The following FMN2 variants were observed in gnomAD, a reference collection of about 807,000 sequenced individuals.
FMN2 encodes the protein formin 2, also known as formin-2.
Under a neutral mutation model 142.3 loss-of-function variants are expected in FMN2, and 51 were observed. The observed-to-expected ratio is 0.36, with a 90% CI of 0.29 to 0.45. The LOEUF is 0.45. Ranked by LOEUF, FMN2 falls within the 20% of genes least tolerant of loss-of-function variation. FMN2 has a pLI of 1.00. For missense variants in FMN2, 1,936 were observed against 2,122.8 expected, an observed-to-expected ratio of 0.91 and a Z score of 1.73; for synonymous variants, 882 against 869.8, an observed-to-expected ratio of 1.01 and a Z score of -0.25.
At chr1:240,239,350 A>T (rs1488842343) in intron 6 of FMN2, among the ~76,000 whole-genome samples, 1 of 152,190 alleles carries the variant, frequency 6.6e-6, no homozygotes, top group Non-Finnish European at 1.5e-5. Flanking sequence ...TAAATATATG[A>T]TCTCTGAAAA....
chr1:240,269,386 C>T (rs570949201), intron 7 of FMN2, among the ~76,000 whole-genome samples: 1 of 152,162 alleles, frequency 6.6e-6, no homozygotes, highest in South Asian at 2.1e-4. Context: ...ACACTCCATT[C>T]TATTCCACTG....
intron 15 of FMN2, among the ~76,000 whole-genome samples, chr1:240,403,533 T>A (rs959200521): frequency 6.6e-6 from 1 of 152,010 alleles, no homozygotes; most frequent in Non-Finnish European, 1.5e-5. Context: ...ACTCGAGAGG[T>A]TGAGGCAAGA....
At chr1:240,298,926 T>C (rs1457654497) in intron 8 of FMN2, among the ~76,000 whole-genome samples, 1 of 152,152 alleles carries the variant, frequency 6.6e-6, no homozygotes, top group Non-Finnish European at 1.5e-5. Context: ...TCTTATCTTC[T>C]CACTTAACTA....
At chr1:240,386,676 G>A (rs1482852323) in intron 14 of FMN2, among the ~76,000 whole-genome samples, 1 of 152,194 alleles carries the variant, frequency 6.6e-6, no homozygotes, top group Non-Finnish European at 1.5e-5. Context: ...AGTATTTGTG[G>A]AGGTAGAAAT....
At chr1:240,446,851 C>T (rs1433985060) in intron 16 of FMN2, among the ~76,000 whole-genome samples, 1 of 152,146 alleles carries the variant, frequency 6.6e-6, no homozygotes, top group African/African-American at 2.4e-5. Flanking sequence ...CACCTTTGGG[C>T]AAAGGAATTT....
At chr1:240,434,469 C>T (rs1355116237) in intron 15 of FMN2, among the ~76,000 whole-genome samples, 1 of 152,128 alleles carries the variant, frequency 6.6e-6, no homozygotes, top group African/African-American at 2.4e-5. Context: ...CCAAAAATGC[C>T]TCTGGCATAA....
At chr1:240,359,616 G>A (rs1461278716) in intron 14 of FMN2, among the ~76,000 whole-genome samples, 14 of 152,146 alleles carry the variant, frequency 9.2e-5, no homozygotes, top group African/African-American at 1.2e-4. Flanking sequence ...CTGAAGCCAA[G>A]ATTTCATGGT....
chr1:240,432,707 A>T (rs1675217066), intron 15 of FMN2, among the ~76,000 whole-genome samples: 1 of 151,818 alleles, frequency 6.6e-6, no homozygotes, highest in Non-Finnish European at 1.5e-5. Context: ...TTAGTTTGGA[A>T]TGTTTTTTCA....
At chr1:240,159,471 T>C (rs889754822) in intron 2 of FMN2, among the ~76,000 whole-genome samples, 1 of 152,128 alleles carries the variant, frequency 6.6e-6, no homozygotes, top group East Asian at 1.9e-4. Context: ...TCTCTCTCTT[T>C]TGGTTATGGA....
chr1:240,423,686 G>A (rs1674846131), intron 15 of FMN2, among the ~76,000 whole-genome samples: 1 of 152,088 alleles, frequency 6.6e-6, no homozygotes, highest in Admixed American at 6.5e-5. Context: ...AGACCCCCAG[G>A]GTGTATTTAG....
chr1:240,311,519 C>T (rs1670605077), intron 8 of FMN2, among the ~76,000 whole-genome samples: 1 of 151,910 alleles, frequency 6.6e-6, no homozygotes, highest in Admixed American at 6.6e-5. Flanking sequence ...CAACCATAAA[C>T]GTGCTTAAGG....
chr1:240,104,009 T>C (rs1661509680), intron 1 of FMN2, among the ~76,000 whole-genome samples: 1 of 151,750 alleles, frequency 6.6e-6, no homozygotes, highest in Non-Finnish European at 1.5e-5. Flanking sequence ...CCCGAGTAGC[T>C]GGGACTACAG....
chr1:240,301,696 T>C (rs886997085), intron 8 of FMN2, among the ~76,000 whole-genome samples: 1 of 152,010 alleles, frequency 6.6e-6, no homozygotes, highest in Non-Finnish European at 1.5e-5. Flanking sequence ...CCCAATTACC[T>C]CCGATCTACC....
At chr1:240,137,287 T>A (rs796482060) in intron 2 of FMN2, among the ~76,000 whole-genome samples, 1 of 152,040 alleles carries the variant, frequency 6.6e-6, no homozygotes, top group Non-Finnish European at 1.5e-5. Flanking sequence ...GGTTGGCAAG[T>A]TTTTCTGTAA....
chr1:240,366,003 G>C (rs1672656509), intron 14 of FMN2, among the ~76,000 whole-genome samples: 1 of 152,118 alleles, frequency 6.6e-6, no homozygotes, highest in African/African-American at 2.4e-5. Flanking sequence ...AATAGATGGT[G>C]ACAAGGGCAC....
At chr1:240,176,844 CAGTT>C (rs1213913965) in intron 2 of FMN2, among the ~76,000 whole-genome samples, 6 of 152,188 alleles carry the variant, frequency 3.9e-5, no homozygotes, top group African/African-American at 1.2e-4. Flanking sequence ...TCTGAATTCT[CAGTT>C]AGGACCAATG....
chr1:240,230,174 G>T (rs1667488470), intron 6 of FMN2, among the ~76,000 whole-genome samples: 2 of 128,492 alleles, frequency 1.6e-5, no homozygotes, highest in Admixed American at 7.4e-5. Flanking sequence ...AAAATTAGTT[G>T]GGCATGGTGG....
intron 6 of FMN2, chr1:240,245,463 G>A (rs1668044839): frequency 2.1e-6 from 1 of 466,808 alleles, no homozygotes; most frequent in African/African-American, 2.0e-5. Flanking sequence ...TACCAGAAAT[G>A]CAGAGGAAGT....
At chr1:240,228,303 C>CAAAAAAAAAAAAAAAAATAA (rs1667392710) in intron 6 of FMN2, among the ~76,000 whole-genome samples, 1 of 47,726 alleles carries the variant, frequency 2.1e-5, no homozygotes, top group Non-Finnish European at 4.4e-5. Flanking sequence ...AACTCTGTCT[C>CAAAAAAAAAAAAAAAAATAA]AAAAAAAAAA....
Sources: allele counts gnomAD v4.1 joint callset (sites outside exome capture counted in the v4.1 genomes callset), GRCh38; gene constraint gnomAD v4.1.1; transcripts MANE v1.5; gene names NCBI Gene and HGNC (gene_info 2026-07-23, HGNC 2026-07-21).